The following WIPF1 variants were observed in gnomAD, a reference collection of about 807,000 sequenced individuals.
WIPF1 encodes the protein WAS/WASL interacting protein family member 1, also known as WAS/WASL-interacting protein family member 1.
Under a neutral mutation model 35.4 loss-of-function variants are expected in WIPF1, and 13 were observed. The observed-to-expected ratio is 0.37, with a 90% confidence interval of 0.24 to 0.58. WIPF1 has a LOEUF of 0.58. WIPF1 is among the 20% of genes least tolerant of loss of function. The pLI is 0.74. For synonymous variants in WIPF1, 267 were observed against 266.3 expected, an observed-to-expected ratio of 1.00 and a Z score of -0.02; for missense variants, 591 against 667.0, an observed-to-expected ratio of 0.89 and a Z score of 1.25.
chr2:174,585,475 A>G (rs1438049408), intron 2 of WIPF1, 48 bp downstream of exon 2: 1 of 1,339,596 alleles, frequency 7.5e-7, no homozygotes, highest in Admixed American at 2.1e-5. Flanking sequence ...TTTTGGCTTC[A>G]TTTGGCTTGC....
At position 174,581,367 on chromosome 2, in the gene WIPF1, T is replaced by C; in HGVS notation, c.124A>G (p.Lys42Glu). The change falls in exon 3 of 8, where the codon AAA becomes GAA. Residue 42 changes from lysine to glutamate, a missense_variant. This residue lies in a region of WIPF1 where 471 missense variants were observed against 501.1 expected (regional missense o/e 0.94). Coordinates refer to ENST00000679041, the MANE Select transcript of WIPF1 (RefSeq NM_001375834.1). ...ACCGTCTTCTTTAGTTTCTTCCCTT[T>C]GCTGATATCAGAAAGGAGAGCATTT... is the stretch of plus-strand genomic sequence containing the variant. ...GRNALLSDIS[K>E]GKKLKKTVTN... 6.2e-7 allele frequency: 1 copy of C among 1,614,156 alleles called. No homozygotes were observed. The highest frequency in any genetic ancestry group is 1.3e-5 in the African/African-American group (1 of 75,044).
chr2:174,633,618 G>A (rs1687094077), intron 1 of WIPF1, among the ~76,000 whole-genome samples: 2 of 152,228 alleles, frequency 1.3e-5, no homozygotes, highest in South Asian at 4.1e-4. Flanking sequence ...AAAGCAGCAG[G>A]CCACTGCGTA....
upstream of WIPF1, among the ~76,000 whole-genome samples, chr2:174,598,478 ATTTAT>A (rs1360982358): frequency 6.6e-6 from 1 of 152,056 alleles, no homozygotes; most frequent in Non-Finnish European, 1.5e-5. Flanking sequence ...CACCTGGCTA[ATTTAT>A]TTTATTTTTA....
chr2:174,595,416 G>C (rs1685790638), intron 1 of WIPF1, among the ~76,000 whole-genome samples: 1 of 151,738 alleles, frequency 6.6e-6, no homozygotes, highest in Admixed American at 6.6e-5. Flanking sequence ...TCCACATTTA[G>C]TTGTTAGGTG....
intron 1 of WIPF1, among the ~76,000 whole-genome samples, chr2:174,666,970 T>A (rs1258617180): frequency 6.6e-6 from 1 of 152,216 alleles, no homozygotes; most frequent in African/African-American, 2.4e-5. Context: ...CAATGTCCCA[T>A]GGATTTGAGG....
chr2:174,622,737 T>C lies in WIPF1; in HGVS notation c.-38-37126A>G, dbSNP rs571010673. The stretch of plus-strand genomic sequence containing the variant: ...CAGAAATTTTATATGGCAACCTGTA[T>C]TAACTATAAGGAAATTCTTAACAAT... On this transcript the variant is annotated intron_variant, in intron 1 of 8. Coordinates refer to the WIPF1 transcript ENST00000272746. This position sits in a 1 kb window ranked among gnomAD's most constrained non-coding sequence, Gnocchi z 5.1. Among the ~76,000 whole-genome samples the C allele has an allele frequency of 6.6e-6, 1 of 152,366 alleles. No homozygotes were observed. Among genetic ancestry groups the C allele is most frequent in the African/African-American group, 2.4e-5 (1 of 41,588 alleles).
chr2:174,564,192 C>T (rs951813983), intron 7 of WIPF1, among the ~76,000 whole-genome samples: 4 of 152,186 alleles, frequency 2.6e-5, no homozygotes, highest in Admixed American at 2.0e-4. Flanking sequence ...ACTTGGTACT[C>T]GACGGTGCCT....
At chr2:174,568,379 C>T (rs187797089) in intron 5 of WIPF1, among the ~76,000 whole-genome samples, 26 of 152,054 alleles carry the variant, frequency 1.7e-4, no homozygotes, top group African/African-American at 4.6e-4. Context: ...CACGGACAAC[C>T]GTATATTTAA....
chr2:174,560,230 G>T lies in WIPF1; in HGVS notation c.*2317C>A, dbSNP rs113707857. On this transcript the variant is annotated 3_prime_UTR_variant, in exon 8 of 8. Transcript: ENST00000679041. ...TAGGTTGCAAACTTTCAAAGAAAGG[G>T]TGTAGGTGTATTAATGAAACAGTCA... is the stretch of plus-strand genomic sequence containing the variant. The T allele has an allele frequency of 0.013, 1,916 of 152,670 alleles. 31 individuals carry two copies. Among genetic ancestry groups the T allele is most frequent in the Non-Finnish European group, 0.023 (1,570 of 67,988 alleles). 9.5% of individuals were successfully genotyped at this position (152,670 alleles called of 1,614,324 possible). A position where few individuals can be genotyped will look rare whatever the true frequency, so the allele number is the denominator to read the frequency against.
rs1684473977 is a variant in WIPF1 at position 174,561,141 on chromosome 2, C to T, written c.*1406G>A. 6.6e-6 allele frequency: 1 copy of T among 152,538 alleles called. No individual in the cohort carries two copies. Among genetic ancestry groups the T allele is most frequent in the Non-Finnish European group, 1.5e-5 (1 of 68,018 alleles). 9.4% of individuals were successfully genotyped at this position (152,538 alleles called of 1,614,324 possible). A position where few individuals can be genotyped will look rare whatever the true frequency, so the allele number is the denominator to read the frequency against. Reference sequence around the variant, plus strand: ...GGCAAGGCTGGCTCTTCCCTATGGTCCTTTAGTGGAGCTATATTTGCATAG... The same window carrying T: ...GGCAAGGCTGGCTCTTCCCTATGGTTCTTTAGTGGAGCTATATTTGCATAG... On this transcript the variant is annotated 3_prime_UTR_variant, in exon 8 of 8. Coordinates refer to ENST00000679041, the MANE Select transcript of WIPF1 (RefSeq NM_001375834.1).
Position 174,674,903 on chromosome 2 carries a change from T to TACAC in WIPF1, c.-39+7867_-39+7870dup, listed in dbSNP as rs35062209. ...GCTTCTGTAAGTTGGCAGGTTCAAATACACACACACACACACACACACACA... is the reference window on the plus strand; with the variant it reads ...GCTTCTGTAAGTTGGCAGGTTCAAATACACACACACACACACACACACACACACA... On this transcript the variant is annotated intron_variant, in intron 1 of 8. Transcript: ENST00000272746. Among the ~76,000 whole-genome samples, 146 of 134,018 alleles carry TACAC rather than the reference T, an allele frequency of 1.1e-3. 2 individuals are homozygous for TACAC. The South Asian group carries it at 0.014, about 13-fold the overall frequency. 87.9% of individuals were successfully genotyped at this position (134,018 alleles called of 152,430 possible).
upstream of WIPF1, among the ~76,000 whole-genome samples, chr2:174,601,393 CAG>C (rs1686004133): frequency 6.6e-6 from 1 of 152,084 alleles, no homozygotes; most frequent in African/African-American, 2.4e-5. Context: ...GCAGTGCAGG[CAG>C]AGTCTTATGC....
At chr2:174,637,765 C>T (rs867881173) in intron 1 of WIPF1, among the ~76,000 whole-genome samples, 6 of 152,092 alleles carry the variant, frequency 3.9e-5, no homozygotes, top group South Asian at 2.1e-4. Context: ...CCAGCCTGGG[C>T]GATGGAGCGA....
chr2:174,632,026 T>C (rs1687036557), intron 1 of WIPF1, among the ~76,000 whole-genome samples: 1 of 152,178 alleles, frequency 6.6e-6, no homozygotes, highest in Non-Finnish European at 1.5e-5. Flanking sequence ...AATGTGTCCA[T>C]ACTGTTCCTC....
intron 5 of WIPF1, among the ~76,000 whole-genome samples, chr2:174,570,999 C>T (rs938060009): frequency 5.3e-5 from 8 of 152,160 alleles, no homozygotes; most frequent in Admixed American, 1.3e-4. Context: ...GGTTTCTCAA[C>T]TGTGGATGGG....
intron 1 of WIPF1, among the ~76,000 whole-genome samples, chr2:174,673,011 G>C (rs773005027): frequency 6.6e-6 from 1 of 152,224 alleles, no homozygotes; most frequent in Non-Finnish European, 1.5e-5. Flanking sequence ...ACCAGGGACA[G>C]TGTGAAGGTG....
chr2:174,679,029 T>G (rs1417582242), intron 1 of WIPF1, among the ~76,000 whole-genome samples: 1 of 152,252 alleles, frequency 6.6e-6, no homozygotes, highest in Non-Finnish European at 1.5e-5. Context: ...CACTGATAAA[T>G]GTAATGCTAA....
At chr2:174,570,424 A>T (rs1684791439) in intron 5 of WIPF1, 1 of 152,226 alleles carries the variant, frequency 6.6e-6, no homozygotes, top group Non-Finnish European at 1.5e-5. Context: ...TCTATAATAA[A>T]CAAGTATGAC....
chr2:174,673,512 A>G (rs567244177), intron 1 of WIPF1: 2 of 152,362 alleles, frequency 1.3e-5, no homozygotes, highest in Admixed American at 6.5e-5. Context: ...TCCTTTGACC[A>G]TGCTGTGTCG....
Sources: allele counts gnomAD v4.1 joint callset (sites outside exome capture counted in the v4.1 genomes callset), GRCh38; gene constraint gnomAD v4.1.1; regional missense constraint gnomAD v4.1.1; non-coding constraint Gnocchi (gnomAD v3.1); transcripts MANE v1.5; gene names NCBI Gene and HGNC (gene_info 2026-07-23, HGNC 2026-07-21).